MDC1: variants seen among roughly 807,000 people sequenced by gnomAD.
MDC1 encodes mediator of DNA damage checkpoint 1.
MDC1 carries 81 observed loss-of-function variants against 142.5 expected under a neutral mutation model. That is an observed-to-expected ratio of 0.57 (90% confidence interval 0.47 to 0.68). The LOEUF is 0.68. Ranked by LOEUF, MDC1 falls within the 30% of genes least tolerant of loss-of-function variation. The probability of loss-of-function intolerance (pLI) is 0.00; values close to 1 mark genes in which losing one functional copy is unlikely to be tolerated. For missense variants in MDC1, 2,119 were observed against 2,547.9 expected, an observed-to-expected ratio of 0.83 and a Z score of 3.62; for synonymous variants, 797 against 968.4, an observed-to-expected ratio of 0.82 and a Z score of 3.29.
Position 30,704,940 on chromosome 6 carries a change from C to T in MDC1, c.4243G>A (p.Glu1415Lys), listed in dbSNP as rs200570441. Residue 1415 changes from glutamate (E) to lysine (K), a missense_variant, in exon 10 of 15, where the codon GAG becomes AAG. Glu to Lys is a moderately conservative substitution (Grantham distance 56). Transcript: ENST00000376406. ...ETLVPTAPKL[E>K]PSTSTDQPVT... ...GGTTGGTCTGTGGAAGTGGAAGGCT[C>T]GAGCTTAGGGGCTGTGGGGACAAGT... 106 of 1,560,354 alleles carry T rather than the reference C, an allele frequency of 6.8e-5. No homozygotes were observed. Among genetic ancestry groups the T allele is most frequent in the East Asian group, 1.9e-4 (8 of 41,754 alleles).
rs1201333990 is a variant in MDC1 at position 30,712,232 on chromosome 6, G to A, written c.1710C>T (p.Ala570=). 6.2e-7 allele frequency: 1 copy of A among 1,612,894 alleles called. No homozygotes were observed. The highest frequency in any genetic ancestry group is 8.5e-7 in the Non-Finnish European group (1 of 1,180,002). The change falls in exon 5 of 15, where the codon GCC becomes GCT. Residue 570 remains alanine (A), a synonymous_variant. Transcript: ENST00000376406. This position sits in a 1 kb window ranked among gnomAD's most constrained non-coding sequence, Gnocchi z 4.7. ...AKLLVVSLEE[A]WPLHGDCETD... is the part of the protein sequence containing the mutation. ...TTTCACAGTCCCCATGCAGAGGCCAGGCTTCCTCTAGAGATACCACAAGCA... is the reference window on the plus strand; with the variant it reads ...TTTCACAGTCCCCATGCAGAGGCCAAGCTTCCTCTAGAGATACCACAAGCA...
Position 30,708,301 on chromosome 6 carries a change from ACT to A in MDC1, c.2276_2277del (p.Glu759ValfsTer2). ...AAAGGCTGGGTCTCAGAGTCCTCAGACTCTCTCAGACAGAATGGCTGTGTAGC... is the reference window on the plus strand; with the variant it reads ...AAAGGCTGGGTCTCAGAGTCCTCAGACTCTCAGACAGAATGGCTGTGTAGC... ...VLATQPFCLRESEDSETQPFD... is the reference protein window; with the variant it reads ...VLATQPFCLRXSEDSETQPFD... On this transcript the variant is annotated frameshift_variant, in exon 8 of 15. Transcript: ENST00000376406. LOFTEE classifies it high-confidence loss of function. The A allele has an allele frequency of 6.2e-7, 1 of 1,611,852 alleles. No individual in the cohort carries two copies. The highest frequency in any genetic ancestry group is 8.5e-7 in the Non-Finnish European group (1 of 1,179,816).
In MDC1 at chr6:30,705,895, T is replaced by G. The variant is rs1279987663; in HGVS notation, c.3288A>C (p.Ser1096=). Residue 1096 remains serine, a synonymous_variant, in exon 10 of 15, where the codon TCA becomes TCC. Coordinates refer to ENST00000376406, the MANE Select transcript of MDC1 (RefSeq NM_014641.3). ...SQEAPEAPLS[S]ELEPFHPKPK... ...GCTTTGGGTGGAAAGGCTCCAGCTC[T>G]GAGGACAAGGGAGCCTCTGGAGCTT... 9.3e-6 allele frequency: 15 copies of G among 1,612,678 alleles called. No individual in the cohort carries two copies. The highest frequency in any genetic ancestry group is 1.3e-5 in the Non-Finnish European group (15 of 1,179,456).
At position 30,711,740 on chromosome 6, in the gene MDC1, A is replaced by G; in HGVS notation, c.2069-14T>C. ...GATCTTCAGAATCTGGTCGGGGAGG[A>G]ATATAAGACAGTTTAAAACAAAAAT... is the stretch of plus-strand genomic sequence containing the variant. On this transcript the variant is annotated splice_polypyrimidine_tract_variant and intron_variant, in intron 5 of 14. Coordinates refer to ENST00000376406, the MANE Select transcript of MDC1 (RefSeq NM_014641.3). 1 of 1,606,844 alleles carries G rather than the reference A, an allele frequency of 6.2e-7. No homozygotes were observed. The highest frequency in any genetic ancestry group is 8.5e-7 in the Non-Finnish European group (1 of 1,177,462).
In MDC1 at chr6:30,705,285, G is replaced by T; in HGVS notation, c.3898C>A (p.Pro1300Thr). The part of the protein sequence containing the change: ...ELRPSTSTDR[P>T]VTPKPTSRTT... ...CGAGATGTGGGCTTGGGGGTGACAG[G>T]TCGGTCTGTGGAGGTGGAAGGCCGG... is the stretch of plus-strand genomic sequence containing the variant. Residue 1300 changes from proline (P) to threonine (T), a missense_variant, in exon 10 of 15, where the codon CCT (proline) becomes ACT (threonine). Coordinates refer to ENST00000376406, the MANE Select transcript of MDC1 (RefSeq NM_014641.3). The T allele has an allele frequency of 6.2e-7, 1 of 1,603,346 alleles. No homozygotes were observed. The highest frequency in any genetic ancestry group is 8.5e-7 in the Non-Finnish European group (1 of 1,175,698).
In MDC1 at chr6:30,715,719, G is replaced by A. The variant is rs188101015; in HGVS notation, c.-3-541C>T. Among the ~76,000 whole-genome samples, 4 of 152,206 alleles carry A rather than the reference G, an allele frequency of 2.6e-5. No homozygotes were observed. The East Asian group carries it at 7.7e-4, about 29-fold the overall frequency. ...TTGATCAGATGCAACTGCAAAAAAT[G>A]ATAATAAAAGATGACATATATAGAA... On this transcript the variant is annotated intron_variant, in intron 1 of 14. Coordinates refer to ENST00000376406, the MANE Select transcript of MDC1 (RefSeq NM_014641.3). This position sits in a 1 kb window ranked among gnomAD's most constrained non-coding sequence, Gnocchi z 4.1.
At chr6:30,710,811 TG>T (rs148881870) in intron 7 of MDC1, among the ~76,000 whole-genome samples, 2,017 of 152,174 alleles carry the variant, frequency 0.013, 43 homozygotes, top group African/African-American at 0.041. Flanking sequence ...TAAGAGACAT[TG>T]GGGGTGGGGG....
In MDC1 at chr6:30,715,035, C is replaced by G; in HGVS notation, c.136+5G>C. ...TCAATACTTGAACATCCAATACCCTCTGACCTTTTTCTGGTCCATGGGCAC... is the reference window on the plus strand; with the variant it reads ...TCAATACTTGAACATCCAATACCCTGTGACCTTTTTCTGGTCCATGGGCAC... On this transcript the variant is annotated splice_donor_5th_base_variant and intron_variant, in intron 2 of 14. Transcript: ENST00000376406. This position sits in a 1 kb window ranked among gnomAD's most constrained non-coding sequence, Gnocchi z 4.1. 1 of 1,614,176 alleles carries G rather than the reference C, an allele frequency of 6.2e-7. No individual in the cohort carries two copies. The highest frequency in any genetic ancestry group is 8.5e-7 in the Non-Finnish European group (1 of 1,180,020).
In MDC1 at chr6:30,705,370, T is replaced by C. The variant is rs1367277780; in HGVS notation, c.3813A>G (p.Gly1271=). ...TSEPTYQATR[G]RKNRSSVKTP... The stretch of plus-strand genomic sequence containing the variant: ...TCTTGACAGAGGATCTATTTTTTCT[T>C]CCCCTAGTAGCCTGATATGTGGGCT... The change falls in exon 10 of 15, where the codon GGA becomes GGG. Residue 1271 remains glycine, a synonymous_variant. Coordinates refer to ENST00000376406, the MANE Select transcript of MDC1 (RefSeq NM_014641.3). 1 of 1,586,894 alleles carries C rather than the reference T, an allele frequency of 6.3e-7. No homozygotes were observed. Among genetic ancestry groups the C allele is most frequent in the Non-Finnish European group, 8.5e-7 (1 of 1,170,522 alleles).
At chr6:30,714,751 A>G (rs1260531210) in intron 2 of MDC1, among the ~76,000 whole-genome samples, 1 of 152,094 alleles carries the variant, frequency 6.6e-6, no homozygotes, top group African/African-American at 2.4e-5. Flanking sequence ...CCTAGTCTCA[A>G]GTGATCCTTC....
intron 7 of MDC1, 95 bp downstream of exon 7, chr6:30,711,317 G>A: frequency 8.9e-7 from 1 of 1,126,356 alleles, no homozygotes. Context: ...GTTACAGTGA[G>A]CCGAGACTGC....
Position 30,715,462 on chromosome 6 carries a change from C to A in MDC1, c.-3-284G>T, listed in dbSNP as rs1464158572. Among the ~76,000 whole-genome samples the A allele has an allele frequency of 6.6e-6, 1 of 152,144 alleles. No individual in the cohort carries two copies. The highest frequency in any genetic ancestry group is 1.5e-5 in the Non-Finnish European group (1 of 68,024). On this transcript the variant is annotated intron_variant, in intron 1 of 14. Coordinates refer to ENST00000376406, the MANE Select transcript of MDC1 (RefSeq NM_014641.3). The surrounding 1 kb of genome is among the most constrained non-coding windows in gnomAD (Gnocchi z 4.1). ...CAAGCAATTCTCTCACCTCAGCCTC[C>A]CAAGTAGCTGAGATTACAGGCACCT...
In MDC1 at chr6:30,713,753, A is replaced by G; in HGVS notation, c.518-36T>C. 1.2e-6 allele frequency: 2 copies of G among 1,613,698 alleles called. 1 individual carries two copies. The highest frequency in any genetic ancestry group is 1.7e-6 in the Non-Finnish European group (2 of 1,179,590). On this transcript the variant is annotated intron_variant, in intron 3 of 14. Coordinates refer to ENST00000376406, the MANE Select transcript of MDC1 (RefSeq NM_014641.3). The surrounding 1 kb of genome is among the most constrained non-coding windows in gnomAD (Gnocchi z 4.9). ...CAGAAAGGAATGAGTTGACAATTGT[A>G]CACTCATTATTCCTGTCTCCTCATT...
Position 30,699,833 on chromosome 6 carries a change from T to C in MDC1, c.*632A>G. Reference sequence around the variant, plus strand: ...AAGGCACAGAGTGAATATTTATTTATCACAGAGGTCAAGCCGAAGCTCTAA... The same window carrying C: ...AAGGCACAGAGTGAATATTTATTTACCACAGAGGTCAAGCCGAAGCTCTAA... On this transcript the variant is annotated 3_prime_UTR_variant, in exon 15 of 15. Transcript: ENST00000376406. 1 of 216,106 alleles carries C rather than the reference T, an allele frequency of 4.6e-6. No homozygotes were observed. The highest frequency in any genetic ancestry group is 9.3e-6 in the Non-Finnish European group (1 of 107,384). 13.4% of individuals were successfully genotyped at this position (216,106 alleles called of 1,614,324 possible).
intron 8 of MDC1, 33 bp from the exon 9 acceptor site, chr6:30,707,487 T>C (rs764130305): frequency 6.2e-7 from 1 of 1,612,836 alleles, no homozygotes; most frequent in East Asian, 2.2e-5. Context: ...GGTGGCTGAG[T>C]TCCAAGCAGC....
rs1030596212 is a variant in MDC1, at chr6:30,703,228, C to G, written c.5741G>C (p.Gly1914Ala). Residue 1914 changes from glycine to alanine, a missense_variant, in exon 12 of 15, where the codon GGA (glycine) becomes GCA (alanine). Transcript: ENST00000376406. The surrounding 1 kb of genome is among the most constrained non-coding windows in gnomAD (Gnocchi z 4.4). ...CTCTGCCGCTGAACCAGCCAGACTT[C>G]CCCCCAGTGCCAGCACAGCCCGCTC... ...RGERAVLALG[G>A]SLAGSAAEAS... 89 of 1,612,862 alleles carry G rather than the reference C, an allele frequency of 5.5e-5. No individual in the cohort carries two copies. The highest frequency in any genetic ancestry group is 7.3e-5 in the Non-Finnish European group (86 of 1,179,972).
chr6:30,711,031 A>T (rs898890599), intron 7 of MDC1, among the ~76,000 whole-genome samples: 2 of 152,212 alleles, frequency 1.3e-5, no homozygotes, highest in Non-Finnish European at 2.9e-5. Flanking sequence ...GCATACACAG[A>T]GGGCTCACTG....
chr6:30,714,573 A>G (rs1402432257), intron 2 of MDC1, among the ~76,000 whole-genome samples: 1 of 150,450 alleles, frequency 6.6e-6, no homozygotes, highest in African/African-American at 2.5e-5. Flanking sequence ...ATGCAGTGTC[A>G]TGATCATAGA....
rs750099019 is a variant in MDC1, at chr6:30,713,845, G to A, written c.475C>T (p.Pro159Ser). Reference sequence around the variant, plus strand: ...TCCTCAGCCAACAGAAGCCTCTGGGGTTGAGTTTCTCCCTGTACTCTGGGT... The same window carrying A: ...TCCTCAGCCAACAGAAGCCTCTGGGATTGAGTTTCTCCCTGTACTCTGGGT... The part of the protein sequence containing the change: ...ETPRVQGETQ[P>S]QRLLLAEDSE... The change falls in exon 3 of 15, where the codon CCC becomes TCC. Residue 159 changes from proline (P) to serine (S), a missense_variant. Transcript: ENST00000376406. The surrounding 1 kb of genome is among the most constrained non-coding windows in gnomAD (Gnocchi z 4.9). The A allele has an allele frequency of 6.2e-7, 1 of 1,614,128 alleles. No individual in the cohort carries two copies.
Sources: gnomAD v4.1 joint callset for allele counts (sites outside exome capture counted in the v4.1 genomes callset) on GRCh38, gnomAD v4.1.1 for gene constraint, Gnocchi (gnomAD v3.1) non-coding constraint, MANE v1.5 for transcripts, NCBI Gene and HGNC (gene_info 2026-07-23, HGNC 2026-07-21) for gene names.